Variants in H1-2 observed in about 807,000 individuals in gnomAD.
H1-2 encodes H1.2 linker histone, cluster member.
In H1-2, 7 loss-of-function variants were observed where a neutral mutation model predicts 7.2. The ratio of observed to expected loss-of-function variants is 0.97; its 90% CI spans 0.55 to 1.82. The LOEUF (loss-of-function observed/expected upper bound fraction) is 1.82. Ranked by LOEUF, H1-2 falls within the 40% of genes most tolerant of loss-of-function variation. The pLI is 0.00. For synonymous variants in H1-2, 300 were observed against 118.2 expected (o/e 2.54, Z -9.98); for missense variants, 703 against 276.6 (o/e 2.54, Z -10.94).
rs368590163 is a variant in H1-2 at position 26,055,840 on chromosome 6, C to T, written c.589G>A (p.Ala197Thr). 1.9e-6 allele frequency: 3 copies of T among 1,613,614 alleles called. No individual in the cohort carries two copies. Among genetic ancestry groups the T allele is most frequent in the South Asian group, 2.2e-5 (2 of 91,008 alleles). Residue 197 changes from alanine to threonine, a missense_variant, in exon 1 of 1, where the codon GCC becomes ACC. Ala to Thr is a moderately conservative substitution (Grantham distance 58). Coordinates refer to ENST00000343677, the MANE Select transcript of H1-2 (RefSeq NM_005319.4). ...GGCTTGACAACCTTGGGCTTAGCGG[C>T]CTTGGGCTTCACAGCCTTAGCAGCA... ...KSAAKAVKPK[A>T]AKPKVVKPKK...
rs148417927 is a variant in H1-2, at chr6:26,056,065, T to C, written c.364A>G (p.Lys122Glu). The change falls in exon 1 of 1, where the codon AAG becomes GAG. Residue 122 changes from lysine (K) to glutamate (E), a missense_variant. Coordinates refer to ENST00000343677, the MANE Select transcript of H1-2 (RefSeq NM_005319.4). ...ASGEAKPKVK[K>E]AGGTKPKKPV... ...TTCTTAGGTTTGGTTCCGCCCGCCT[T>C]TTTAACCTTGGGCTTGGCTTCCCCG... 2 of 1,614,060 alleles carry C rather than the reference T, an allele frequency of 1.2e-6. No homozygotes were observed. Among genetic ancestry groups the C allele is most frequent in the East Asian group, 2.2e-5 (1 of 44,890 alleles).
At position 26,056,317 on chromosome 6, in the gene H1-2, G is replaced by T. The variant is rs756017745; in HGVS notation, c.112C>A (p.Pro38Thr). The T allele has an allele frequency of 3.7e-6, 6 of 1,614,086 alleles. No individual in the cohort carries two copies. Among genetic ancestry groups the T allele is most frequent in the East Asian group, 2.2e-5 (1 of 44,874 alleles). ...TTGGTGATGAGCTCTGACACCGGGG[G>T]ACCAGACGCCTTACGAGGCGTACCC... The part of the protein sequence containing the change: ...AGGTPRKASG[P>T]PVSELITKAV... Residue 38 changes from proline (P) to threonine (T), a missense_variant, in exon 1 of 1, where the codon CCC (proline) becomes ACC (threonine). Physicochemically the swap from Pro to Thr is conservative, Grantham distance 38. Transcript: ENST00000343677.
chr6:26,056,297 G>T lies in H1-2; in HGVS notation c.132C>A (p.Ile44=), dbSNP rs1458511417. Residue 44 remains isoleucine, a synonymous_variant, in exon 1 of 1, where the codon ATC becomes ATA. Coordinates refer to ENST00000343677, the MANE Select transcript of H1-2 (RefSeq NM_005319.4). The part of the protein sequence containing the change: ...KASGPPVSEL[I]TKAVAASKER... ...CTTTAGAGGCGGCCACAGCCTTGGT[G>T]ATGAGCTCTGACACCGGGGGACCAG... 6.2e-7 allele frequency: 1 copy of T among 1,614,156 alleles called. No individual in the cohort carries two copies.
At position 26,056,123 on chromosome 6, in the gene H1-2, A is replaced by G. The variant is rs780136700; in HGVS notation, c.306T>C (p.Ser102=). 7 of 1,614,222 alleles carry G rather than the reference A, an allele frequency of 4.3e-6. No individual in the cohort carries two copies. Among genetic ancestry groups the G allele is most frequent in the Non-Finnish European group, 5.1e-6 (6 of 1,180,026 alleles). ...CCTTCTTGTTGAGTTTAAAGGAGCC[A>G]GAAGCACCGGTGCCTTTCGTTTGCA... ...TLVQTKGTGA[S]GSFKLNKKAA... The change falls in exon 1 of 1, where the codon TCT becomes TCC. Residue 102 remains serine (S), a synonymous_variant. Transcript: ENST00000343677.
rs749338746 is a variant in H1-2, at chr6:26,055,879, T to G, written c.550A>C (p.Lys184Gln). The G allele has an allele frequency of 4.3e-6, 7 of 1,614,124 alleles. No individual in the cohort carries two copies. Among genetic ancestry groups the G allele is most frequent in the African/African-American group, 1.3e-5 (1 of 75,048 alleles). The change falls in exon 1 of 1, where the codon AAA (lysine) becomes CAA (glutamine). Residue 184 changes from lysine to glutamine, a missense_variant. Physicochemically the swap from Lys to Gln is moderately conservative, Grantham distance 53. Transcript: ENST00000343677. ...PKKAKVAKPKKAAKSAAKAVK... is the reference protein window; with the variant it reads ...PKKAKVAKPKQAAKSAAKAVK... ...GCCTTAGCAGCACTTTTGGCAGCTT[T>G]CTTGGGCTTCGCAACCTTGGCCTTC... is the stretch of plus-strand genomic sequence containing the variant.
In H1-2 at chr6:26,056,134, T is replaced by C; in HGVS notation, c.295A>G (p.Thr99Ala). Residue 99 changes from threonine to alanine, a missense_variant, in exon 1 of 1, where the codon ACC (threonine) becomes GCC (alanine). By Grantham distance (58) the Thr-to-Ala change is moderately conservative (BLOSUM62 0). Coordinates refer to ENST00000343677, the MANE Select transcript of H1-2 (RefSeq NM_005319.4). ...SKGTLVQTKG[T>A]GASGSFKLNK... ...AGTTTAAAGGAGCCAGAAGCACCGG[T>C]GCCTTTCGTTTGCACCAGAGTGCCC... 1 of 1,614,264 alleles carries C rather than the reference T, an allele frequency of 6.2e-7. No homozygotes were observed. The highest frequency in any genetic ancestry group is 1.1e-5 in the South Asian group (1 of 91,082).
rs981181951 is a variant in H1-2 at position 26,055,984 on chromosome 6, T to C, written c.445A>G (p.Lys149Glu). Residue 149 changes from lysine (K) to glutamate (E), a missense_variant, in exon 1 of 1, where the codon AAG becomes GAG. Coordinates refer to ENST00000343677, the MANE Select transcript of H1-2 (RefSeq NM_005319.4). ...KKAAGGATPK[K>E]SAKKTPKKAK... is the part of the protein sequence containing the mutation. ...TTCTTCGGTGTTTTCTTAGCGCTCT[T>C]CTTCGGAGTTGCGCCGCCAGCCGCC... 1.9e-6 allele frequency: 3 copies of C among 1,614,014 alleles called. No homozygotes were observed. Among genetic ancestry groups the C allele is most frequent in the South Asian group, 1.1e-5 (1 of 91,072 alleles).
rs1277325895 is a variant in H1-2 at position 26,055,966 on chromosome 6, G to C, written c.463C>G (p.Pro155Ala). The C allele has an allele frequency of 1.9e-6, 3 of 1,614,022 alleles. No homozygotes were observed. The highest frequency in any genetic ancestry group is 2.5e-6 in the Non-Finnish European group (3 of 1,180,024). The change falls in exon 1 of 1, where the codon CCG becomes GCG. Residue 155 changes from proline to alanine, a missense_variant. Physicochemically the swap from Pro to Ala is conservative, Grantham distance 27. Coordinates refer to ENST00000343677, the MANE Select transcript of H1-2 (RefSeq NM_005319.4). The stretch of plus-strand genomic sequence containing the variant: ...GCGGCCGGCTTCTTCGCTTTCTTCG[G>C]TGTTTTCTTAGCGCTCTTCTTCGGA... Reference protein sequence around the residue: ...ATPKKSAKKTPKKAKKPAAAT... With the variant: ...ATPKKSAKKTAKKAKKPAAAT...
chr6:26,056,085 T>C lies in H1-2; in HGVS notation c.344A>G (p.Glu115Gly). Residue 115 changes from glutamate (E) to glycine (G), a missense_variant, in exon 1 of 1, where the codon GAA (glutamate) becomes GGA (glycine). Coordinates refer to ENST00000343677, the MANE Select transcript of H1-2 (RefSeq NM_005319.4). ...CGCCTTTTTAACCTTGGGCTTGGCT[T>C]CCCCGGAGGCTGCCTTCTTGTTGAG... is the stretch of plus-strand genomic sequence containing the variant. The part of the protein sequence containing the change: ...FKLNKKAASG[E>G]AKPKVKKAGG... 3 of 1,614,206 alleles carry C rather than the reference T, an allele frequency of 1.9e-6. No individual in the cohort carries two copies. Among genetic ancestry groups the C allele is most frequent in the Non-Finnish European group, 2.5e-6 (3 of 1,180,032 alleles).
At position 26,055,844 on chromosome 6, in the gene H1-2, G is replaced by T. The variant is rs8384; in HGVS notation, c.585C>A (p.Pro195=). 1.2e-6 allele frequency: 2 copies of T among 1,613,578 alleles called. No homozygotes were observed. Among genetic ancestry groups the T allele is most frequent in the East Asian group, 2.2e-5 (1 of 44,882 alleles). The change falls in exon 1 of 1, where the codon CCC becomes CCA. Residue 195 remains proline (P), a synonymous_variant. Transcript: ENST00000343677. ...AAKSAAKAVK[P]KAAKPKVVKP... ...TGACAACCTTGGGCTTAGCGGCCTTGGGCTTCACAGCCTTAGCAGCACTTT... is the reference window on the plus strand; with the variant it reads ...TGACAACCTTGGGCTTAGCGGCCTTTGGCTTCACAGCCTTAGCAGCACTTT...
rs746576288 is a variant in H1-2, at chr6:26,055,964, C to A, written c.465G>T (p.Pro155=). 1.2e-6 allele frequency: 2 copies of A among 1,614,006 alleles called. No individual in the cohort carries two copies. Among genetic ancestry groups the A allele is most frequent in the South Asian group, 1.1e-5 (1 of 91,072 alleles). The change falls in exon 1 of 1, where the codon CCG becomes CCT. Residue 155 remains proline, a synonymous_variant. Coordinates refer to ENST00000343677, the MANE Select transcript of H1-2 (RefSeq NM_005319.4). ...CCGCGGCCGGCTTCTTCGCTTTCTTCGGTGTTTTCTTAGCGCTCTTCTTCG... is the reference window on the plus strand; with the variant it reads ...CCGCGGCCGGCTTCTTCGCTTTCTTAGGTGTTTTCTTAGCGCTCTTCTTCG... ...ATPKKSAKKT[P]KKAKKPAAAT... is the part of the protein sequence containing the mutation.
In H1-2 at chr6:26,056,168, C is replaced by G. The variant is rs779332342; in HGVS notation, c.261G>C (p.Leu87=). ...TTTGCACCAGAGTGCCCTTGCTCAC[C>G]AGGCTCTTGAGACCAAGTTTGATAC... ...NSRIKLGLKS[L]VSKGTLVQTK... Residue 87 remains leucine (L), a synonymous_variant, in exon 1 of 1, where the codon CTG becomes CTC. Transcript: ENST00000343677. The G allele has an allele frequency of 6.2e-7, 1 of 1,614,232 alleles. No individual in the cohort carries two copies. Among genetic ancestry groups the G allele is most frequent in the Admixed American group, 1.7e-5 (1 of 60,022 alleles).
Position 26,056,071 on chromosome 6 carries a change from C to T in H1-2, c.358G>A (p.Val120Ile), listed in dbSNP as rs374082368. The T allele has an allele frequency of 1.3e-5, 21 of 1,614,078 alleles. No individual in the cohort carries two copies. Among genetic ancestry groups the T allele is most frequent in the Admixed American group, 8.3e-5 (5 of 60,012 alleles). Residue 120 changes from valine to isoleucine, a missense_variant, in exon 1 of 1, where the codon GTT (valine) becomes ATT (isoleucine). Transcript: ENST00000343677. ...KAASGEAKPK[V>I]KKAGGTKPKK... is the part of the protein sequence containing the mutation. ...GGTTTGGTTCCGCCCGCCTTTTTAACCTTGGGCTTGGCTTCCCCGGAGGCT... is the reference window on the plus strand; with the variant it reads ...GGTTTGGTTCCGCCCGCCTTTTTAATCTTGGGCTTGGCTTCCCCGGAGGCT...
rs760022539 is a variant in H1-2 at position 26,056,068 on chromosome 6, T to C, written c.361A>G (p.Lys121Glu). ...TTAGGTTTGGTTCCGCCCGCCTTTT[T>C]AACCTTGGGCTTGGCTTCCCCGGAG... ...AASGEAKPKV[K>E]KAGGTKPKKP... is the part of the protein sequence containing the mutation. Residue 121 changes from lysine (K) to glutamate (E), a missense_variant, in exon 1 of 1, where the codon AAA (lysine) becomes GAA (glutamate). Physicochemically the swap from Lys to Glu is moderately conservative, Grantham distance 56. Transcript: ENST00000343677. 1 of 1,614,198 alleles carries C rather than the reference T, an allele frequency of 6.2e-7. No homozygotes were observed. The highest frequency in any genetic ancestry group is 1.1e-5 in the South Asian group (1 of 91,080).
In H1-2 at chr6:26,056,148, A is replaced by G; in HGVS notation, c.281T>C (p.Val94Ala). Residue 94 changes from valine (V) to alanine (A), a missense_variant, in exon 1 of 1, where the codon GTG (valine) becomes GCG (alanine). Val to Ala is a moderately conservative substitution (Grantham distance 64). Coordinates refer to ENST00000343677, the MANE Select transcript of H1-2 (RefSeq NM_005319.4). ...AGAAGCACCGGTGCCTTTCGTTTGC[A>G]CCAGAGTGCCCTTGCTCACCAGGCT... ...LKSLVSKGTL[V>A]QTKGTGASGS... The G allele has an allele frequency of 6.2e-7, 1 of 1,614,188 alleles. No homozygotes were observed. The highest frequency in any genetic ancestry group is 8.5e-7 in the Non-Finnish European group (1 of 1,180,028).
Position 26,056,248 on chromosome 6 carries a change from C to T in H1-2, c.181G>A (p.Ala61Thr), listed in dbSNP as rs752716545. 2 of 1,614,204 alleles carry T rather than the reference C, an allele frequency of 1.2e-6. No homozygotes were observed. Among genetic ancestry groups the T allele is most frequent in the East Asian group, 2.2e-5 (1 of 44,870 alleles). The part of the protein sequence containing the change: ...SKERSGVSLA[A>T]LKKALAAAGY... ...GCGGCAGCCAACGCTTTTTTCAGAG[C>T]AGCCAGAGAAACTCCGCTACGCTCT... is the stretch of plus-strand genomic sequence containing the variant. Residue 61 changes from alanine to threonine, a missense_variant, in exon 1 of 1, where the codon GCT becomes ACT. Coordinates refer to ENST00000343677, the MANE Select transcript of H1-2 (RefSeq NM_005319.4).
rs1761917572 is a variant in H1-2, at chr6:26,056,151, A to G, written c.278T>C (p.Leu93Pro). ...GLKSLVSKGTLVQTKGTGASG... is the reference protein window; with the variant it reads ...GLKSLVSKGTPVQTKGTGASG... ...AGCACCGGTGCCTTTCGTTTGCACC[A>G]GAGTGCCCTTGCTCACCAGGCTCTT... is the stretch of plus-strand genomic sequence containing the variant. The change falls in exon 1 of 1, where the codon CTG (leucine) becomes CCG (proline). Residue 93 changes from leucine to proline, a missense_variant. Physicochemically the swap from Leu to Pro is moderately conservative, Grantham distance 98. Transcript: ENST00000343677. 1.9e-6 allele frequency: 3 copies of G among 1,614,230 alleles called. No individual in the cohort carries two copies. The highest frequency in any genetic ancestry group is 1.7e-6 in the Non-Finnish European group (2 of 1,180,032).
rs772147357 is a variant in H1-2 at position 26,056,322 on chromosome 6, G to T, written c.107C>A (p.Ser36Tyr). The change falls in exon 1 of 1, where the codon TCT (serine) becomes TAT (tyrosine). Residue 36 changes from serine (S) to tyrosine (Y), a missense_variant. Ser to Tyr is a moderately radical substitution (Grantham distance 144). Transcript: ENST00000343677. Reference protein sequence around the residue: ...KKAGGTPRKASGPPVSELITK... With the variant: ...KKAGGTPRKAYGPPVSELITK... ...GATGAGCTCTGACACCGGGGGACCA[G>T]ACGCCTTACGAGGCGTACCCCCAGC... is the stretch of plus-strand genomic sequence containing the variant. 2 of 1,613,950 alleles carry T rather than the reference G, an allele frequency of 1.2e-6. No homozygotes were observed. Among genetic ancestry groups the T allele is most frequent in the African/African-American group, 1.3e-5 (1 of 74,954 alleles).
At position 26,056,129 on chromosome 6, in the gene H1-2, A is replaced by G; in HGVS notation, c.300T>C (p.Gly100=). The change falls in exon 1 of 1, where the codon GGT becomes GGC. Residue 100 remains glycine (G), a synonymous_variant. Transcript: ENST00000343677. ...KGTLVQTKGT[G]ASGSFKLNKK... ...TGTTGAGTTTAAAGGAGCCAGAAGCACCGGTGCCTTTCGTTTGCACCAGAG... is the reference window on the plus strand; with the variant it reads ...TGTTGAGTTTAAAGGAGCCAGAAGCGCCGGTGCCTTTCGTTTGCACCAGAG... 6.2e-7 allele frequency: 1 copy of G among 1,614,236 alleles called. No individual in the cohort carries two copies.
Sources: gnomAD v4.1 joint callset for allele counts on GRCh38, gnomAD v4.1.1 for gene constraint, MANE v1.5 for transcripts, NCBI Gene and HGNC (gene_info 2026-07-23, HGNC 2026-07-21) for gene names.